The following ARFGEF2 variants were observed in gnomAD, a reference collection of about 807,000 sequenced individuals.
The protein encoded by ARFGEF2 is brefeldin A-inhibited guanine nucleotide-exchange protein 2.
ARFGEF2 carries 74 observed loss-of-function variants against 219.9 expected under a neutral mutation model. The ratio of observed to expected loss-of-function variants is 0.34; its 90% CI spans 0.28 to 0.41. The LOEUF (loss-of-function observed/expected upper bound fraction) is 0.41. Among genes scored for constraint, ARFGEF2 ranks in the 10% least tolerant of loss-of-function variants. The pLI, the probability that ARFGEF2 is intolerant of heterozygous loss-of-function variation, is 1.00. For missense variants in ARFGEF2, 1,743 were observed against 2,218.3 expected, an observed-to-expected ratio of 0.79 and a Z score of 4.30; for synonymous variants, 733 against 799.2, an observed-to-expected ratio of 0.92 and a Z score of 1.40.
At chr20:48,988,434 G>C in intron 17 of ARFGEF2, 46 bp downstream of exon 17, 1 of 1,610,542 alleles carries the variant, frequency 6.2e-7, no homozygotes. Context: ...TAAATAAGTG[G>C]CTTTACTTGG....
intron 3 of ARFGEF2, among the ~76,000 whole-genome samples, chr20:48,945,460 T>A (rs1326158006): frequency 2.6e-5 from 4 of 152,214 alleles, no homozygotes; most frequent in African/African-American, 9.7e-5. Context: ...AATCGTTTGT[T>A]TCTGGAACTC....
Position 49,035,406 on chromosome 20 carries a change from A to C in ARFGEF2, c.*2207A>C, listed in dbSNP as rs539173796. On this transcript the variant is annotated 3_prime_UTR_variant, in exon 39 of 39. Transcript: ENST00000371917. Reference sequence around the variant, plus strand: ...TTTCTGAATGAGGCATTTGAATTGTACCAGCAATGGACTTTTAAAAAATTG... The same window carrying C: ...TTTCTGAATGAGGCATTTGAATTGTCCCAGCAATGGACTTTTAAAAAATTG... The C allele has an allele frequency of 6.6e-6, 1 of 152,380 alleles. No individual in the cohort carries two copies. Among genetic ancestry groups the C allele is most frequent in the South Asian group, 2.1e-4 (1 of 4,828 alleles). The allele number at this position is 152,380 out of a possible 1,614,324, so 9.4% of individuals were successfully genotyped here.
chr20:49,032,654 G>A (rs1348889479), intron 38 of ARFGEF2, among the ~76,000 whole-genome samples: 1 of 151,182 alleles, frequency 6.6e-6, no homozygotes, highest in Admixed American at 6.6e-5. Flanking sequence ...ATGCAGTGAC[G>A]TAATCTAGCT....
At chr20:48,935,700 G>A (rs963864988) in intron 1 of ARFGEF2, among the ~76,000 whole-genome samples, 30 of 150,688 alleles carry the variant, frequency 2.0e-4, no homozygotes, top group Non-Finnish European at 3.9e-4. Context: ...CCTCCTGGAC[G>A]GGGCGGCTAG....
chr20:49,000,562 AAATTCCT>A (rs1359620213), intron 25 of ARFGEF2, among the ~76,000 whole-genome samples: 1 of 152,210 alleles, frequency 6.6e-6, no homozygotes, highest in Admixed American at 6.5e-5. Flanking sequence ...CTGAGTAAAC[AAATTCCT>A]AATTGGACCA....
At chr20:48,984,657 C>G (rs1367652110) in intron 14 of ARFGEF2, 72 bp from the exon 15 acceptor site, 1 of 1,565,752 alleles carries the variant, frequency 6.4e-7, no homozygotes, top group African/African-American at 1.4e-5. Flanking sequence ...TATTATTTAT[C>G]TCAAATACCA....
At chr20:49,005,825 C>T (rs1356632895) in intron 26 of ARFGEF2, among the ~76,000 whole-genome samples, 1 of 151,540 alleles carries the variant, frequency 6.6e-6, no homozygotes, top group Admixed American at 6.6e-5. Context: ...AGAGCCACTG[C>T]AGAAGCATCC....
intron 9 of ARFGEF2, among the ~76,000 whole-genome samples, chr20:48,969,613 C>G (rs1355258577): frequency 6.6e-6 from 1 of 152,210 alleles, no homozygotes; most frequent in East Asian, 1.9e-4. Context: ...GACAGGATGC[C>G]TGCAAACCTC....
At chr20:49,022,430 A>AGC (rs1568742781) in intron 34 of ARFGEF2, among the ~76,000 whole-genome samples, 1 of 140,490 alleles carries the variant, frequency 7.1e-6, no homozygotes, top group Non-Finnish European at 1.6e-5. Context: ...CAACAACAAC[A>AGC]AAAAAAAAAA....
chr20:48,984,617 A>G, intron 14 of ARFGEF2, 112 bp from the exon 15 acceptor site: 2 of 1,365,382 alleles, frequency 1.5e-6, no homozygotes, highest in South Asian at 2.3e-5. Flanking sequence ...TTGCTAGCTT[A>G]TACGTGATGG....
intron 14 of ARFGEF2, among the ~76,000 whole-genome samples, chr20:48,977,285 T>C (rs1354063720): frequency 1.3e-5 from 2 of 152,166 alleles, no homozygotes; most frequent in Non-Finnish European, 2.9e-5. Context: ...GCTTCATCCA[T>C]GTCCCTGCAA....
intron 9 of ARFGEF2, among the ~76,000 whole-genome samples, chr20:48,969,521 T>TA (rs1210997663): frequency 6.6e-6 from 1 of 152,238 alleles, no homozygotes; most frequent in Non-Finnish European, 1.5e-5. Context: ...ATATGAATGC[T>TA]AAAAAAGTCT....
At chr20:49,025,788 C>T (rs371230539) in intron 36 of ARFGEF2, among the ~76,000 whole-genome samples, 5 of 151,828 alleles carry the variant, frequency 3.3e-5, no homozygotes, top group South Asian at 4.2e-4. Context: ...TCGAGACCAG[C>T]CTGGCCAACA....
intron 6 of ARFGEF2, among the ~76,000 whole-genome samples, chr20:48,958,205 G>A (rs1403518566): frequency 1.3e-5 from 2 of 152,120 alleles, no homozygotes; most frequent in Non-Finnish European, 1.5e-5. Context: ...ATAAAAAGTA[G>A]CATTTGAGAG....
chr20:48,961,943 C>T (rs1184269000), intron 6 of ARFGEF2, among the ~76,000 whole-genome samples: 5 of 151,766 alleles, frequency 3.3e-5, no homozygotes, highest in African/African-American at 1.2e-4. Context: ...CTTTGGGAGG[C>T]CGAGGTGGGT....
intron 9 of ARFGEF2, among the ~76,000 whole-genome samples, 183 bp downstream of exon 9, chr20:48,969,460 G>GTC (rs2091211835): frequency 6.6e-6 from 1 of 152,204 alleles, no homozygotes; most frequent in South Asian, 2.1e-4. Flanking sequence ...ATATGGAATT[G>GTC]TCTCTGTATC....
intron 16 of ARFGEF2, among the ~76,000 whole-genome samples, chr20:48,988,040 G>A (rs1244140203): frequency 6.6e-6 from 1 of 152,062 alleles, no homozygotes; most frequent in Non-Finnish European, 1.5e-5. Context: ...CACCCATCTC[G>A]GCCTCCCAAA....
intron 28 of ARFGEF2, among the ~76,000 whole-genome samples, 170 bp from the exon 29 acceptor site, chr20:49,013,394 G>C (rs1247773840): frequency 2.0e-5 from 3 of 151,798 alleles, no homozygotes; most frequent in Non-Finnish European, 1.5e-5. Context: ...CTGCTCATAT[G>C]CCCTTTGGGA....
intron 7 of ARFGEF2, 109 bp from the exon 8 acceptor site, chr20:48,965,763 G>A (rs189205362): frequency 5.8e-6 from 8 of 1,383,432 alleles, no homozygotes; most frequent in Admixed American, 1.7e-5. Flanking sequence ...AGGAAAAGGG[G>A]AAAAAGCAAC....
Sources: gnomAD v4.1 joint callset for allele counts (sites outside exome capture counted in the v4.1 genomes callset) on GRCh38, gnomAD v4.1.1 for gene constraint, MANE v1.5 for transcripts, NCBI Gene and HGNC (gene_info 2026-07-23, HGNC 2026-07-21) for gene names.